The following PPEF2 variants were observed in gnomAD, a reference collection of about 807,000 sequenced individuals.
The protein encoded by PPEF2 is serine/threonine-protein phosphatase with EF-hands 2.
PPEF2 carries 84 observed loss-of-function variants against 84.7 expected under a neutral mutation model. The observed-to-expected ratio is 0.99, with a 90% CI of 0.83 to 1.19. The LOEUF is 1.19. PPEF2 is among the 50% of genes most tolerant of loss of function. The pLI is 0.00. For synonymous variants in PPEF2, 346 were observed against 345.2 expected, an observed-to-expected ratio of 1.00 and a Z score of -0.03; for missense variants, 924 against 937.5, an observed-to-expected ratio of 0.99 and a Z score of 0.19.
chr4:75,897,364 C>T (rs1408509615), intron 1 of PPEF2, among the ~76,000 whole-genome samples: 1 of 152,176 alleles, frequency 6.6e-6, no homozygotes, highest in African/African-American at 2.4e-5. Context: ...AATTAACTCT[C>T]ACATTTTCAG....
At chr4:75,873,353 T>C (rs779734107) in intron 11 of PPEF2, 41 bp from the exon 12 acceptor site, 44 of 1,522,212 alleles carry the variant, frequency 2.9e-5, no homozygotes, top group South Asian at 1.5e-4. Context: ...AAAAACTAGA[T>C]ACATATTCAT....
intron 14 of PPEF2, 57 bp downstream of exon 14, chr4:75,867,252 AAGAC>A (rs1460388837): frequency 7.5e-7 from 1 of 1,335,872 alleles, no homozygotes; most frequent in African/African-American, 1.5e-5. Context: ...TAACTAGTGT[AAGAC>A]AGAGATTTTC....
intron 1 of PPEF2, among the ~76,000 whole-genome samples, chr4:75,896,948 A>C (rs569559453): frequency 6.6e-6 from 1 of 152,072 alleles, no homozygotes; most frequent in African/African-American, 2.4e-5. Context: ...GCAGTGGCAC[A>C]ATCTTGGCTC....
chr4:75,875,537 A>G (rs1040554708), intron 11 of PPEF2, among the ~76,000 whole-genome samples: 16 of 152,102 alleles, frequency 1.1e-4, no homozygotes, highest in Admixed American at 6.5e-4. Flanking sequence ...TGAGCCTGGG[A>G]AGTACAGGCT....
At chr4:75,872,318 C>A in intron 12 of PPEF2, 151 bp from the exon 13 acceptor site, 1 of 787,726 alleles carries the variant, frequency 1.3e-6, no homozygotes, top group Non-Finnish European at 1.9e-6. Flanking sequence ...TTCTTTTTTT[C>A]TAAAGGCATC....
In PPEF2 at chr4:75,879,838, AT is replaced by A. The variant is rs68095351; in HGVS notation, c.933+3087del. ...TTTTAAAATGTTATTATTTACTTTT[AT>A]TTTTTTTTTGAGATAGGGGTCTCAC... is the stretch of plus-strand genomic sequence containing the variant. On this transcript the variant is annotated intron_variant, in intron 10 of 16. Coordinates refer to ENST00000286719, the MANE Select transcript of PPEF2 (RefSeq NM_006239.3). Among the ~76,000 whole-genome samples the A allele has an allele frequency of 1.4e-3, 209 of 149,508 alleles. 1 individual carries two copies. Among genetic ancestry groups the A allele is most frequent in the African/African-American group, 4.9e-3 (199 of 40,932 alleles).
At chr4:75,870,799 G>C (rs895506209) in intron 13 of PPEF2, among the ~76,000 whole-genome samples, 2 of 151,992 alleles carry the variant, frequency 1.3e-5, no homozygotes, top group Non-Finnish European at 2.9e-5. Flanking sequence ...TTTACTGTGA[G>C]GCTACCCATA....
chr4:75,901,762 A>G (rs1386358666), intron 1 of PPEF2, among the ~76,000 whole-genome samples: 1 of 152,188 alleles, frequency 6.6e-6, no homozygotes, highest in African/African-American at 2.4e-5. Context: ...TTCTCCTTCT[A>G]GAATTTGACT....
chr4:75,868,563 G>A (rs551822361), intron 13 of PPEF2, among the ~76,000 whole-genome samples: 24 of 152,136 alleles, frequency 1.6e-4, no homozygotes, highest in African/African-American at 5.8e-4. Context: ...TGGCATGGTG[G>A]CACGTGCCTA....
intron 13 of PPEF2, among the ~76,000 whole-genome samples, chr4:75,869,225 T>C (rs780364329): frequency 5.3e-5 from 8 of 152,158 alleles, no homozygotes; most frequent in Non-Finnish European, 1.0e-4. Flanking sequence ...AGGGATGGAG[T>C]AGGGCAATGC....
intron 10 of PPEF2, among the ~76,000 whole-genome samples, chr4:75,881,081 T>A (rs1724559749): frequency 6.7e-6 from 1 of 148,812 alleles, no homozygotes; most frequent in Non-Finnish European, 1.5e-5. Context: ...ATTACAGGCA[T>A]GAGCCACCGC....
chr4:75,871,630 C>T (rs1724282785), intron 13 of PPEF2, among the ~76,000 whole-genome samples: 1 of 152,184 alleles, frequency 6.6e-6, no homozygotes, highest in Non-Finnish European at 1.5e-5. Flanking sequence ...GCCACCACAT[C>T]AGGCTAATTT....
intron 1 of PPEF2, among the ~76,000 whole-genome samples, chr4:75,898,015 G>A (rs11942273): frequency 0.22 from 33,210 of 152,112 alleles, 4,056 homozygotes; most frequent in Non-Finnish European, 0.28. Context: ...GTATATATTC[G>A]ATTAACTAAA....
chr4:75,898,489 A>C (rs756450237), intron 1 of PPEF2, among the ~76,000 whole-genome samples: 1 of 152,248 alleles, frequency 6.6e-6, no homozygotes. Flanking sequence ...CCTTCCTTAA[A>C]GAAGCCAGCT....
chr4:75,895,886 A>AAC (rs1310767309), intron 2 of PPEF2, among the ~76,000 whole-genome samples: 1 of 150,944 alleles, frequency 6.6e-6, no homozygotes, highest in Non-Finnish European at 1.5e-5. Flanking sequence ...TATTGTTTTA[A>AAC]AAAAAAAATT....
chr4:75,889,957 T>C lies in PPEF2; in HGVS notation c.417A>G (p.Gln139=). The C allele has an allele frequency of 6.2e-7, 1 of 1,614,098 alleles. No homozygotes were observed. The highest frequency in any genetic ancestry group is 8.5e-7 in the Non-Finnish European group (1 of 1,179,970). Residue 139 remains glutamine, a splice_region_variant and synonymous_variant, in exon 5 of 17, where the codon CAA becomes CAG. Coordinates refer to ENST00000286719, the MANE Select transcript of PPEF2 (RefSeq NM_006239.3). ...TALVEAFRLK[Q]QLHARYVLNL... Reference sequence around the variant, plus strand: ...ACCCAGGTTCCCCAGGTGAGCTTACTTGTTTCAGTCTGAATGCTTCTACCA... The same window carrying C: ...ACCCAGGTTCCCCAGGTGAGCTTACCTGTTTCAGTCTGAATGCTTCTACCA...
At chr4:75,871,926 A>G in intron 13 of PPEF2, 99 bp downstream of exon 13, 1 of 1,317,968 alleles carries the variant, frequency 7.6e-7, no homozygotes, top group Non-Finnish European at 1.0e-6. Flanking sequence ...CTGAATTCTC[A>G]CGTAGAATTT....
chr4:75,886,101 C>A (rs1171681788), intron 7 of PPEF2, among the ~76,000 whole-genome samples: 1 of 152,162 alleles, frequency 6.6e-6, no homozygotes, highest in Non-Finnish European at 1.5e-5. Context: ...AGTACCAACC[C>A]GCAGGTTCAG....
At chr4:75,862,315 A>G in intron 16 of PPEF2, among the ~76,000 whole-genome samples, 1 of 97,734 alleles carries the variant, frequency 1.0e-5, no homozygotes, top group Non-Finnish European at 2.1e-5. Context: ...AAAAAAAAAA[A>G]AAAAAAACTT....
Sources: gnomAD v4.1 joint callset for allele counts (sites outside exome capture counted in the v4.1 genomes callset) on GRCh38, gnomAD v4.1.1 for gene constraint, MANE v1.5 for transcripts, NCBI Gene and HGNC (gene_info 2026-07-23, HGNC 2026-07-21) for gene names.